Variants in CDHR3 observed in about 807,000 individuals in gnomAD.
CDHR3 encodes cadherin related family member 3.
A neutral mutation model predicts 86.6 loss-of-function variants in CDHR3; 79 were observed. That is an observed-to-expected ratio of 0.91 (90% CI 0.76 to 1.10). The LOEUF is 1.10. CDHR3 is among the 50% of genes least tolerant of loss of function. The probability of loss-of-function intolerance (pLI) is 0.00; values close to 1 mark genes in which losing one functional copy is unlikely to be tolerated. For synonymous variants in CDHR3, 421 were observed against 402.4 expected, an observed-to-expected ratio of 1.05 and a Z score of -0.55; for missense variants, 1,081 against 1,077.6, an observed-to-expected ratio of 1.00 and a Z score of -0.04.
intron 10 of CDHR3, 90 bp downstream of exon 10, chr7:106,015,303 C>G: frequency 8.7e-7 from 1 of 1,146,700 alleles, no homozygotes; most frequent in South Asian, 1.4e-5. Flanking sequence ...TGTGCTAGGT[C>G]CCCCTTCTCA....
In CDHR3 at chr7:106,004,599, T is replaced by C. The variant is rs551198279; in HGVS notation, c.964T>C (p.Tyr322His). The change falls in exon 8 of 19, where the codon TAT (tyrosine) becomes CAT (histidine). Residue 322 changes from tyrosine to histidine, a missense_variant. Transcript: ENST00000317716. ...SLEVLVKDRP[Y>H]GGQENRIQIT... ...GGAAGTTCTAGTGAAGGACAGACCA[T>C]ATGGGGGTCAGGAGAATCGCATCCA... 17 of 1,613,944 alleles carry C rather than the reference T, an allele frequency of 1.1e-5. No individual in the cohort carries two copies. Among genetic ancestry groups the C allele is most frequent in the Non-Finnish European group, 1.4e-5 (17 of 1,179,876 alleles).
At chr7:106,003,717 A>C (rs1833527698) in intron 7 of CDHR3, among the ~76,000 whole-genome samples, 2 of 152,082 alleles carry the variant, frequency 1.3e-5, no homozygotes, top group Admixed American at 1.3e-4. Flanking sequence ...TGCCAGAAAA[A>C]CAATGTCCTG....
intron 1 of CDHR3, among the ~76,000 whole-genome samples, chr7:105,971,094 T>C (rs560196502): frequency 8.1e-5 from 12 of 147,514 alleles, no homozygotes; most frequent in Admixed American, 2.7e-4. Context: ...TGAGCCAAGA[T>C]CGCGCCACTG....
At chr7:106,025,467 C>T (rs1837217132) in intron 15 of CDHR3, among the ~76,000 whole-genome samples, 1 of 152,204 alleles carries the variant, frequency 6.6e-6, no homozygotes, top group Non-Finnish European at 1.5e-5. Flanking sequence ...GCTTAGTACA[C>T]TACCCAGCCA....
Position 105,994,724 on chromosome 7 carries a change from C to T in CDHR3, c.514-27C>T, listed in dbSNP as rs899050686. On this transcript the variant is annotated intron_variant, in intron 4 of 18. Coordinates refer to ENST00000317716, the MANE Select transcript of CDHR3 (RefSeq NM_152750.5). Reference sequence around the variant, plus strand: ...GAAGGGTGGGCAGGTGGGCTGATTTCATCAATTTTTTTCCCTTGTTTTTTA... The same window carrying T: ...GAAGGGTGGGCAGGTGGGCTGATTTTATCAATTTTTTTCCCTTGTTTTTTA... The T allele has an allele frequency of 2.0e-6, 3 of 1,527,372 alleles. No individual in the cohort carries two copies. In the African/African-American group the frequency reaches 4.1e-5, roughly 21 times the overall value. The allele number at this position is 1,527,372 out of a possible 1,614,324, so 94.6% of individuals were successfully genotyped here.
In CDHR3 at chr7:106,030,096, T is replaced by C. The variant is rs541324756; in HGVS notation, c.2305-696T>C. Among the ~76,000 whole-genome samples, 1 of 152,286 alleles carries C rather than the reference T, an allele frequency of 6.6e-6. No homozygotes were observed. The highest frequency in any genetic ancestry group is 2.1e-4 in the South Asian group (1 of 4,820). On this transcript the variant is annotated intron_variant, in intron 17 of 18. Transcript: ENST00000317716. This position sits in a 1 kb window ranked among gnomAD's most constrained non-coding sequence, Gnocchi z 4.8. ...GCTTGCTAAACTCCAAACACAATCCTTGTTACTGTGCTAGTGACCCTGACT... is the reference window on the plus strand; with the variant it reads ...GCTTGCTAAACTCCAAACACAATCCCTGTTACTGTGCTAGTGACCCTGACT...
intron 6 of CDHR3, 58 bp downstream of exon 6, chr7:105,996,412 C>G (rs1832231552): frequency 1.1e-6 from 1 of 934,124 alleles, no homozygotes; most frequent in Admixed American, 2.0e-5. Flanking sequence ...CTTAGGCGGC[C>G]TCGTCTCCTC....
At chr7:106,004,950 T>C (rs1482269290) in intron 8 of CDHR3, 2 of 458,556 alleles carry the variant, frequency 4.4e-6, no homozygotes, top group Non-Finnish European at 7.7e-6. Flanking sequence ...TGCTCCCTTC[T>C]ATATCTGGCT....
chr7:105,975,331 G>T (rs1305265245), intron 2 of CDHR3, among the ~76,000 whole-genome samples: 3 of 152,164 alleles, frequency 2.0e-5, no homozygotes, highest in Admixed American at 2.0e-4. Flanking sequence ...GACATCAGGT[G>T]TTTGGTGTGC....
Position 106,032,997 on chromosome 7 carries a change from C to G in CDHR3, c.*300C>G, listed in dbSNP as rs1046350048. On this transcript the variant is annotated 3_prime_UTR_variant, in exon 19 of 19. Transcript: ENST00000317716. Reference sequence around the variant, plus strand: ...TTGTTGTGTTTCTTCTTTGCATTGACTGCTAGGAAGCTCTATTCTGTTCAC... The same window carrying G: ...TTGTTGTGTTTCTTCTTTGCATTGAGTGCTAGGAAGCTCTATTCTGTTCAC... 5.5e-6 allele frequency: 2 copies of G among 364,044 alleles called. No homozygotes were observed. Among genetic ancestry groups the G allele is most frequent in the Non-Finnish European group, 5.0e-6 (1 of 199,478 alleles). The allele number at this position is 364,044 out of a possible 1,614,324, so 22.6% of individuals were successfully genotyped here.
At chr7:105,994,713 T>A (rs1831914008) in intron 4 of CDHR3, 38 bp from the exon 5 acceptor site, 1 of 1,403,738 alleles carries the variant, frequency 7.1e-7, no homozygotes, top group Admixed American at 1.9e-5. Flanking sequence ...GGTGGGCAGG[T>A]GGGCTGATTT....
At chr7:106,019,294 G>A (rs1203667627) in intron 12 of CDHR3, among the ~76,000 whole-genome samples, 1 of 152,024 alleles carries the variant, frequency 6.6e-6, no homozygotes, top group African/African-American at 2.4e-5. Flanking sequence ...CCGATAACTT[G>A]CTTTGAATTA....
chr7:106,017,762 C>T (rs1835886080), intron 11 of CDHR3, 84 bp from the exon 12 acceptor site: 1 of 1,124,640 alleles, frequency 8.9e-7, no homozygotes, highest in Non-Finnish European at 1.3e-6. Context: ...TCCTTCTTAC[C>T]ATGGCAGTTA....
intron 18 of CDHR3, among the ~76,000 whole-genome samples, chr7:106,032,078 G>A (rs1838457952): frequency 6.6e-6 from 1 of 152,208 alleles, no homozygotes; most frequent in African/African-American, 2.4e-5. Context: ...TTTATCCAAA[G>A]CTTGCATGGA....
At chr7:105,989,600 A>G (rs891689974) in intron 4 of CDHR3, among the ~76,000 whole-genome samples, 1 of 152,064 alleles carries the variant, frequency 6.6e-6, no homozygotes, top group East Asian at 1.9e-4. Context: ...TAGCTCTAGG[A>G]AGTGGCAGCC....
chr7:106,014,866 A>G (rs989263575), intron 9 of CDHR3, among the ~76,000 whole-genome samples: 9 of 152,202 alleles, frequency 5.9e-5, no homozygotes, highest in African/African-American at 2.2e-4. Context: ...CTGTTGAGCA[A>G]TAGTGCTTAA....
rs775526761 is a variant in CDHR3 at position 106,015,170 on chromosome 7, G to C, written c.1284G>C (p.Thr428=). Residue 428 remains threonine, a synonymous_variant, in exon 10 of 19, where the codon ACG becomes ACC. Coordinates refer to ENST00000317716, the MANE Select transcript of CDHR3 (RefSeq NM_152750.5). ...ACCTAGCAGCCGGCAATAAATATAC[G>C]GTGATAATCCAGGTGCAGGATGTGG... is the stretch of plus-strand genomic sequence containing the variant. The part of the protein sequence containing the change: ...PSNLAAGNKY[T]VIIQVQDVAP... 5.0e-6 allele frequency: 8 copies of C among 1,611,380 alleles called. No individual in the cohort carries two copies. Among genetic ancestry groups the C allele is most frequent in the Non-Finnish European group, 5.1e-6 (6 of 1,178,964 alleles).
At chr7:106,027,734 G>T (rs1435286716) in intron 16 of CDHR3, 6 of 425,958 alleles carry the variant, frequency 1.4e-5, no homozygotes, top group African/African-American at 1.3e-4. Flanking sequence ...TGTCTCAACA[G>T]GGTTAGAAAT....
chr7:106,028,471 A>C, intron 16 of CDHR3, 80 bp from the exon 17 acceptor site: 5 of 1,474,736 alleles, frequency 3.4e-6, no homozygotes, highest in Non-Finnish European at 4.7e-6. Context: ...TATTTAGGGG[A>C]AATACCGTTG....
Sources: gnomAD v4.1 joint callset for allele counts (sites outside exome capture counted in the v4.1 genomes callset) on GRCh38, gnomAD v4.1.1 for gene constraint, Gnocchi (gnomAD v3.1) non-coding constraint, MANE v1.5 for transcripts, NCBI Gene and HGNC (gene_info 2026-07-23, HGNC 2026-07-21) for gene names.